ZNF585A: variants seen among roughly 807,000 people sequenced by gnomAD.
ZNF585A encodes zinc finger protein 585A.
In ZNF585A, 9 loss-of-function variants were observed where a neutral mutation model predicts 14.9. The observed-to-expected ratio is 0.60, with a 90% CI of 0.36 to 1.05. ZNF585A has a LOEUF of 1.05. ZNF585A is among the 50% of genes least tolerant of loss of function. ZNF585A has a pLI of 0.01. For missense variants in ZNF585A, 726 were observed against 926.4 expected, an observed-to-expected ratio of 0.78 and a Z score of 2.81; for synonymous variants, 276 against 319.9, an observed-to-expected ratio of 0.86 and a Z score of 1.46.
At position 37,152,501 on chromosome 19, in the gene ZNF585A, A is replaced by T; in HGVS notation, c.1398T>A (p.Tyr466Ter). Reference protein sequence around the residue: ...HKRIHTGEKPYMCNKCGKAFT... With the variant: ...HKRIHTGEKP ...ATGCCTTCCCACATTTATTGCACAT[A>T]TAGGGCTTTTCTCCTGTGTGAATTC... The change falls in exon 5 of 5, where the codon TAT (tyrosine) becomes TAA (stop). Residue 466 changes from tyrosine to a stop codon, truncating the protein, a stop_gained. Transcript: ENST00000292841. LOFTEE classifies it low-confidence loss of function (END_TRUNC). 1 of 1,614,178 alleles carries T rather than the reference A, an allele frequency of 6.2e-7. No homozygotes were observed. The highest frequency in any genetic ancestry group is 8.5e-7 in the Non-Finnish European group (1 of 1,180,020).
intron 2 of ZNF585A, among the ~76,000 whole-genome samples, chr19:37,160,899 G>A (rs1323144529): frequency 6.6e-6 from 1 of 151,598 alleles, no homozygotes; most frequent in African/African-American, 2.4e-5. Context: ...ACACGATCTT[G>A]CTCTGTCGTC....
intron 2 of ZNF585A, among the ~76,000 whole-genome samples, chr19:37,164,845 G>T (rs192426353): frequency 5.1e-4 from 78 of 151,996 alleles, no homozygotes; most frequent in Non-Finnish European, 1.0e-3. Flanking sequence ...GTTAATTTTG[G>T]TTTTTGTTGT....
rs1241645463 is a variant in ZNF585A, at chr19:37,152,322, G to T, written c.1577C>A (p.Thr526Asn). The T allele has an allele frequency of 1.9e-6, 3 of 1,612,856 alleles. No individual in the cohort carries two copies. Among genetic ancestry groups the T allele is most frequent in the Non-Finnish European group, 1.7e-6 (2 of 1,179,692 alleles). ...CTTCTGAGTGAAGGCTTTTCCACAA[G>T]TATTGCATTCATAAGGCTTCTCCCC... ...HTGEKPYECN[T>N]CGKAFTQKSH... The change falls in exon 5 of 5, where the codon ACT becomes AAT. Residue 526 changes from threonine (T) to asparagine (N), a missense_variant. Thr to Asn is a moderately conservative substitution (Grantham distance 65). Around this residue, in one of 2 missense-constraint regions of ZNF585A, gnomAD observed 243 missense variants for 383.6 expected, o/e 0.63. Transcript: ENST00000292841.
Position 37,147,588 on chromosome 19 carries a change from A to G in ZNF585A, c.*4001T>C, listed in dbSNP as rs1324815885. ...GGTAATCATATAAAATAAAACATAT[A>G]CTATAAAACAGGTACTATTATATAA... On this transcript the variant is annotated 3_prime_UTR_variant, in exon 5 of 5. Transcript: ENST00000292841. The G allele has an allele frequency of 6.6e-6, 1 of 152,218 alleles. No homozygotes were observed. Among genetic ancestry groups the G allele is most frequent in the Non-Finnish European group, 1.5e-5 (1 of 68,042 alleles). 9.4% of individuals were successfully genotyped at this position (152,218 alleles called of 1,614,324 possible). A position where few individuals can be genotyped will look rare whatever the true frequency, so the allele number is the denominator to read the frequency against.
chr19:37,170,105 C>T, intron 1 of ZNF585A, 51 bp from the exon 2 acceptor site: 1 of 597,854 alleles, frequency 1.7e-6, no homozygotes, highest in Admixed American at 3.0e-5. Context: ...AACACATAAG[C>T]ACTTCCTGGA....
chr19:37,153,234 C>G lies in ZNF585A; in HGVS notation c.665G>C (p.Gly222Ala). 6.2e-7 allele frequency: 1 copy of G among 1,614,158 alleles called. No individual in the cohort carries two copies. Among genetic ancestry groups the G allele is most frequent in the East Asian group, 2.2e-5 (1 of 44,878 alleles). Residue 222 changes from glycine to alanine, a missense_variant, in exon 5 of 5, where the codon GGC becomes GCC. By Grantham distance (60) the Gly-to-Ala change is moderately conservative. This residue lies in a region of ZNF585A where 483 missense variants were observed against 542.8 expected (regional missense o/e 0.89). Transcript: ENST00000292841. Reference protein sequence around the residue: ...KLYECSQCGKGFSYNSDLSIH... With the variant: ...KLYECSQCGKAFSYNSDLSIH... ...ACTGAGATCTGAGTTATAAGAGAAG[C>G]CTTTCCCACACTGGCTGCATTCATA...
At chr19:37,162,763 T>C (rs1972031430) in intron 2 of ZNF585A, among the ~76,000 whole-genome samples, 1 of 151,836 alleles carries the variant, frequency 6.6e-6, no homozygotes, top group Non-Finnish European at 1.5e-5. Context: ...AACTTATAAG[T>C]GGGAGCTAAA....
chr19:37,164,735 G>C (rs1972061312), intron 2 of ZNF585A, among the ~76,000 whole-genome samples: 1 of 152,164 alleles, frequency 6.6e-6, no homozygotes, highest in Admixed American at 6.5e-5. Context: ...TGGATGTAGT[G>C]GCAATGTCGT....
chr19:37,155,822 CCTCCCAT>C, intron 4 of ZNF585A, 36 bp downstream of exon 4: 1 of 1,599,154 alleles, frequency 6.3e-7, no homozygotes, highest in East Asian at 2.2e-5. Context: ...GCTGAGATTT[CCTCCCAT>C]CTCCCATCTA....
chr19:37,167,981 G>A (rs8113230), intron 2 of ZNF585A, among the ~76,000 whole-genome samples: 3,358 of 152,238 alleles, frequency 0.022, 132 homozygotes, highest in African/African-American at 0.077. Flanking sequence ...CAGTATGATG[G>A]CAAAGGTTTC....
intron 1 of ZNF585A, among the ~76,000 whole-genome samples, chr19:37,171,597 T>C (rs1024770767): frequency 1.3e-5 from 2 of 152,192 alleles, no homozygotes; most frequent in African/African-American, 4.8e-5. Flanking sequence ...GTCATATCTA[T>C]AAAGTATTAA....
At chr19:37,168,471 T>C (rs1279560268) in intron 2 of ZNF585A, among the ~76,000 whole-genome samples, 2 of 152,218 alleles carry the variant, frequency 1.3e-5, no homozygotes, top group Admixed American at 1.3e-4. Flanking sequence ...GTCATTATAC[T>C]TGAGCACAGA....
chr19:37,155,341 AAAG>A (rs1264921198), intron 4 of ZNF585A, among the ~76,000 whole-genome samples: 2 of 151,684 alleles, frequency 1.3e-5, no homozygotes, highest in South Asian at 2.1e-4. Context: ...CCACGAAGCC[AAAG>A]AAGAACACAG....
intron 2 of ZNF585A, among the ~76,000 whole-genome samples, chr19:37,157,529 C>T (rs1033507038): frequency 6.6e-6 from 1 of 152,040 alleles, no homozygotes; most frequent in African/African-American, 2.4e-5. Flanking sequence ...CCCAAAGGAA[C>T]AAAAAGTACA....
rs780703670 is a variant in ZNF585A at position 37,152,963 on chromosome 19, T to C, written c.936A>G (p.Gln312=). The part of the protein sequence containing the change: ...NCGKSFISKS[Q]LQVHQRVHTR... The stretch of plus-strand genomic sequence containing the variant: ...TGTGAACACGTTGATGTACCTGAAG[T>C]TGTGACTTGGAAATGAAGGATTTGC... The change falls in exon 5 of 5, where the codon CAA becomes CAG. Residue 312 remains glutamine, a synonymous_variant. Transcript: ENST00000292841. 1.5e-5 allele frequency: 25 copies of C among 1,614,132 alleles called. No individual in the cohort carries two copies. Among genetic ancestry groups the C allele is most frequent in the Non-Finnish European group, 1.9e-5 (23 of 1,180,052 alleles).
At chr19:37,160,685 T>C (rs1972000053) in intron 2 of ZNF585A, among the ~76,000 whole-genome samples, 1 of 151,926 alleles carries the variant, frequency 6.6e-6, no homozygotes, top group Admixed American at 6.6e-5. Context: ...ATAAATTCAA[T>C]AACTTAGAAA....
intron 2 of ZNF585A, among the ~76,000 whole-genome samples, chr19:37,160,653 GA>G (rs1405856318): frequency 6.6e-6 from 1 of 151,460 alleles, no homozygotes; most frequent in Non-Finnish European, 1.5e-5. Flanking sequence ...AATACAATGA[GA>G]AAAATAAACA....
chr19:37,169,898 A>C lies in ZNF585A; in HGVS notation c.13T>G (p.Trp5Gly), dbSNP rs1195975174. Residue 5 changes from tryptophan (W) to glycine (G), a missense_variant, in exon 2 of 5, where the codon TGG (tryptophan) becomes GGG (glycine). Physicochemically the swap from Trp to Gly is radical, Grantham distance 184 (BLOSUM62 -2). Around this residue, in one of 2 missense-constraint regions of ZNF585A, gnomAD observed 483 missense variants for 542.8 expected, o/e 0.89. Coordinates refer to ENST00000292841, the MANE Select transcript of ZNF585A (RefSeq NM_001288800.2). Reference sequence around the variant, plus strand: ...GCTGAGGATTTCTGAGGTGAGGTCCAATTAGCTGGCATGGCCACACTGGGT... The same window carrying C: ...GCTGAGGATTTCTGAGGTGAGGTCCCATTAGCTGGCATGGCCACACTGGGT... Reference protein sequence around the residue: MPANWTSPQKSSALA... With the variant: MPANGTSPQKSSALA... 4 of 1,613,052 alleles carry C rather than the reference A, an allele frequency of 2.5e-6. No individual in the cohort carries two copies. Among genetic ancestry groups the C allele is most frequent in the Non-Finnish European group, 3.4e-6 (4 of 1,179,998 alleles).
chr19:37,155,600 A>G (rs1313450025), intron 4 of ZNF585A, among the ~76,000 whole-genome samples: 4 of 151,912 alleles, frequency 2.6e-5, no homozygotes, highest in Admixed American at 6.6e-5. Flanking sequence ...GGTTGTAGTG[A>G]GCTGGGATCA....
Sources: gnomAD v4.1 joint callset for allele counts (sites outside exome capture counted in the v4.1 genomes callset) on GRCh38, gnomAD v4.1.1 for gene constraint, gnomAD v4.1.1 regional missense constraint, MANE v1.5 for transcripts, NCBI Gene and HGNC (gene_info 2026-07-23, HGNC 2026-07-21) for gene names.